Variants in PRKCH observed in about 807,000 individuals in gnomAD.
PRKCH encodes protein kinase C eta.
Under a neutral mutation model 82.5 loss-of-function variants are expected in PRKCH, and 28 were observed. The observed-to-expected ratio is 0.34, with a 90% confidence interval of 0.25 to 0.47. PRKCH has a LOEUF of 0.47. Among genes scored for constraint, PRKCH ranks in the 20% least tolerant of loss-of-function variants. PRKCH has a pLI of 1.00. For missense variants in PRKCH, 705 were observed against 881.8 expected, an observed-to-expected ratio of 0.80 and a Z score of 2.54; for synonymous variants, 322 against 327.4, an observed-to-expected ratio of 0.98 and a Z score of 0.18.
In PRKCH at chr14:61,230,224, A is replaced by G. The variant is rs183854871; in HGVS notation, c.-19+42556A>G. Among the ~76,000 whole-genome samples, 404 of 152,220 alleles carry G rather than the reference A, an allele frequency of 2.7e-3. 5 individuals are homozygous for G. The Middle Eastern group carries it at 0.034, about 13-fold the overall frequency. Reference sequence around the variant, plus strand: ...GGCCAAAGCCTCCTGCTTCCAATGCATACGCTTCCTGTTTTGTCTTTCACC... The same window carrying G: ...GGCCAAAGCCTCCTGCTTCCAATGCGTACGCTTCCTGTTTTGTCTTTCACC... On this transcript the variant is annotated intron_variant, in intron 1 of 3. Transcript: ENST00000555185.
At chr14:61,466,639 G>T (rs34582366) in intron 9 of PRKCH, among the ~76,000 whole-genome samples, 10,058 of 152,250 alleles carry the variant, frequency 0.066, 466 homozygotes, top group African/African-American at 0.13. Flanking sequence ...TGTGGCCAGT[G>T]CCCGAAACAG....
At chr14:61,340,776 C>A (rs903680363) in intron 1 of PRKCH, among the ~76,000 whole-genome samples, 1 of 152,122 alleles carries the variant, frequency 6.6e-6, no homozygotes, top group African/African-American at 2.4e-5. Context: ...ATTAAATATC[C>A]CATCTTTCCC....
intron 10 of PRKCH, among the ~76,000 whole-genome samples, chr14:61,508,536 G>GAA (rs1329098343): frequency 2.6e-5 from 4 of 152,146 alleles, no homozygotes; most frequent in Non-Finnish European, 4.4e-5. Context: ...AGTTAAATTT[G>GAA]AAAGCGCTTC....
chr14:61,521,148 A>G (rs545541169), intron 10 of PRKCH, among the ~76,000 whole-genome samples: 2 of 152,312 alleles, frequency 1.3e-5, no homozygotes, highest in South Asian at 2.1e-4. Context: ...TTGAGAAGAA[A>G]AGTTTGAAAG....
chr14:61,232,126 T>C (rs575188316), intron 1 of PRKCH, among the ~76,000 whole-genome samples: 1 of 152,354 alleles, frequency 6.6e-6, no homozygotes. Flanking sequence ...CTGCTATAAA[T>C]GGGGGTTCCC....
chr14:61,523,551 C>T (rs2042930870), intron 10 of PRKCH, among the ~76,000 whole-genome samples: 1 of 152,164 alleles, frequency 6.6e-6, no homozygotes, highest in South Asian at 2.1e-4. Context: ...GTAGAGCCTA[C>T]TTCATAGAGT....
intron 12 of PRKCH, among the ~76,000 whole-genome samples, chr14:61,542,151 G>A (rs1051092690): frequency 3.9e-5 from 6 of 152,032 alleles, no homozygotes; most frequent in Non-Finnish European, 8.8e-5. Context: ...TTAGTCGGGC[G>A]TGGTGGTGCA....
intron 1 of PRKCH, among the ~76,000 whole-genome samples, chr14:61,271,601 C>T (rs772888426): frequency 6.6e-6 from 1 of 152,220 alleles, no homozygotes; most frequent in Non-Finnish European, 1.5e-5. Flanking sequence ...ACTGCCTGTG[C>T]TGCCTTAGAC....
chr14:61,363,485 G>A (rs982089344), intron 1 of PRKCH, among the ~76,000 whole-genome samples: 5 of 152,178 alleles, frequency 3.3e-5, no homozygotes, highest in Admixed American at 1.3e-4. Context: ...AACTGGCTAC[G>A]GGGAGTGGAT....
intron 1 of PRKCH, among the ~76,000 whole-genome samples, chr14:61,388,557 G>A (rs1277266447): frequency 6.6e-6 from 1 of 152,220 alleles, no homozygotes; most frequent in African/African-American, 2.4e-5. Flanking sequence ...GCCTGTGCCA[G>A]CAGTAGTTTA....
chr14:61,234,564 T>C (rs2044772236), intron 1 of PRKCH, among the ~76,000 whole-genome samples: 1 of 152,196 alleles, frequency 6.6e-6, no homozygotes, highest in Non-Finnish European at 1.5e-5. Context: ...ATCTCTCCCA[T>C]CTTAGACAAC....
At chr14:61,237,707 C>A (rs1214883616) in intron 1 of PRKCH, among the ~76,000 whole-genome samples, 1 of 152,202 alleles carries the variant, frequency 6.6e-6, no homozygotes, top group Non-Finnish European at 1.5e-5. Context: ...TCCCCCAACC[C>A]TTACCTCCAG....
chr14:61,196,909 A>G (rs955032711), intron 1 of PRKCH, among the ~76,000 whole-genome samples: 1 of 152,140 alleles, frequency 6.6e-6, no homozygotes, highest in African/African-American at 2.4e-5. Flanking sequence ...GATCTTTCAC[A>G]CCTGCAGGCT....
In PRKCH at chr14:61,242,646, C is replaced by T. The variant is rs945104058; in HGVS notation, c.-19+54978C>T. Among the ~76,000 whole-genome samples the T allele has an allele frequency of 1.8e-4, 27 of 152,230 alleles. 1 individual carries two copies. The South Asian group carries it at 3.7e-3, about 21-fold the overall frequency. The stretch of plus-strand genomic sequence containing the variant: ...CTCCTGACCTCAGGTGATCCCCCCT[C>T]CTCGGCCTCCCAAAGTGCTGGGATT... On this transcript the variant is annotated intron_variant, in intron 1 of 3. Transcript: ENST00000555185.
At chr14:61,191,323 C>G (rs1179388848) in intron 1 of PRKCH, among the ~76,000 whole-genome samples, 1 of 152,166 alleles carries the variant, frequency 6.6e-6, no homozygotes, top group Non-Finnish European at 1.5e-5. Flanking sequence ...ATTTTTTTCT[C>G]AGGCTCTCCC....
intron 1 of PRKCH, among the ~76,000 whole-genome samples, chr14:61,235,322 C>T (rs1186635815): frequency 6.6e-6 from 1 of 152,236 alleles, no homozygotes; most frequent in East Asian, 1.9e-4. Flanking sequence ...TGCAATTCAG[C>T]TCACCATGCT....
At chr14:61,339,283 T>C (rs1161031708) in intron 1 of PRKCH, among the ~76,000 whole-genome samples, 1 of 151,972 alleles carries the variant, frequency 6.6e-6, no homozygotes, top group African/African-American at 2.4e-5. Flanking sequence ...TTCTGTGTTT[T>C]CATCCTCTCC....
chr14:61,299,718 ACTCTACTTTC>A (rs2045435356), intron 1 of PRKCH: 1 of 152,096 alleles, frequency 6.6e-6, no homozygotes, highest in African/African-American at 2.4e-5. Flanking sequence ...CAGGTTTTCA[ACTCTACTTTC>A]ATCTCCCATG....
intron 1 of PRKCH, among the ~76,000 whole-genome samples, chr14:61,242,073 A>G (rs1451411791): frequency 6.6e-6 from 1 of 152,258 alleles, no homozygotes; most frequent in African/African-American, 2.4e-5. Flanking sequence ...TAACAACAGC[A>G]GCAACAAAAG....
Sources: gnomAD v4.1 joint callset for allele counts (sites outside exome capture counted in the v4.1 genomes callset) on GRCh38, gnomAD v4.1.1 for gene constraint, MANE v1.5 for transcripts, NCBI Gene and HGNC (gene_info 2026-07-23, HGNC 2026-07-21) for gene names.